PCDHA2: variants seen among roughly 807,000 people sequenced by gnomAD.
The protein encoded by PCDHA2 is protocadherin alpha 2.
PCDHA2 carries 58 observed loss-of-function variants against 66.0 expected under a neutral mutation model. The observed-to-expected ratio is 0.88, with a 90% CI of 0.71 to 1.09. The LOEUF (loss-of-function observed/expected upper bound fraction) is 1.09. Ranked by LOEUF, PCDHA2 falls within the 50% of genes least tolerant of loss-of-function variation. The pLI is 0.00. For missense variants in PCDHA2, 1,267 were observed against 1,242.3 expected, an observed-to-expected ratio of 1.02 and a Z score of -0.30; for synonymous variants, 634 against 554.0, an observed-to-expected ratio of 1.14 and a Z score of -2.03.
chr5:140,846,849 G>T (rs1318319896), intron 1 of PCDHA2, among the ~76,000 whole-genome samples: 1 of 149,562 alleles, frequency 6.7e-6, no homozygotes, highest in Non-Finnish European at 1.5e-5. Flanking sequence ...ACAATGCAAG[G>T]CAAGATAATG....
At chr5:140,859,579 G>A in intron 1 of PCDHA2, 1 of 171,440 alleles carries the variant, frequency 5.8e-6, no homozygotes, top group Non-Finnish European at 1.2e-5. Flanking sequence ...TTGTCATCTT[G>A]CCTATGGCTC....
At chr5:140,914,613 G>A (rs2076780862) in intron 1 of PCDHA2, among the ~76,000 whole-genome samples, 1 of 151,852 alleles carries the variant, frequency 6.6e-6, no homozygotes, top group Non-Finnish European at 1.5e-5. Flanking sequence ...CTGCCATTTT[G>A]TAATTTGTTT....
rs1347683940 is a variant in PCDHA2 at position 140,847,266 on chromosome 5, A to C, written c.2388+49914A>C. ...CAAAATAAATCACGACTTTTGAAAG[A>C]AGGTTGAACGGGAAGACAAACTCAG... is the stretch of plus-strand genomic sequence containing the variant. On this transcript the variant is annotated intron_variant, in intron 1 of 3. Coordinates refer to ENST00000526136, the MANE Select transcript of PCDHA2 (RefSeq NM_018905.3). Among the ~76,000 whole-genome samples the C allele has an allele frequency of 6.0e-5, 9 of 149,874 alleles. 2 individuals carry two copies. Among genetic ancestry groups the C allele is most frequent in the African/African-American group, 2.2e-4 (9 of 40,946 alleles).
At chr5:140,809,383 C>A (rs558389511) in intron 1 of PCDHA2, 4 of 1,614,038 alleles carry the variant, frequency 2.5e-6, no homozygotes, top group East Asian at 2.2e-5. Context: ...AGGGCGCGTG[C>A]GCTCCGGGCA....
At chr5:140,886,461 A>G (rs1434440381) in intron 1 of PCDHA2, among the ~76,000 whole-genome samples, 2 of 152,116 alleles carry the variant, frequency 1.3e-5, no homozygotes, top group African/African-American at 2.4e-5. Context: ...TCATATATAA[A>G]TGTTTTTAAA....
chr5:140,996,837 G>A (rs1382866699), intron 3 of PCDHA2, among the ~76,000 whole-genome samples: 7 of 151,992 alleles, frequency 4.6e-5, no homozygotes, highest in African/African-American at 7.3e-5. Flanking sequence ...ATAATTTAGC[G>A]TGCATCTTCA....
intron 1 of PCDHA2, among the ~76,000 whole-genome samples, chr5:140,833,207 A>G (rs1554133788): frequency 6.6e-6 from 1 of 152,228 alleles, no homozygotes; most frequent in African/African-American, 2.4e-5. Context: ...AGAATGAAAT[A>G]GGAATGGACA....
intron 1 of PCDHA2, among the ~76,000 whole-genome samples, chr5:140,934,332 T>C (rs1452316834): frequency 1.3e-5 from 2 of 152,140 alleles, no homozygotes; most frequent in Non-Finnish European, 2.9e-5. Flanking sequence ...ATGAATGTAA[T>C]AACCACCAGT....
rs782131323 is a variant in PCDHA2 at position 140,808,836 on chromosome 5, C to T, written c.2388+11484C>T. 6.2e-6 allele frequency: 10 copies of T among 1,613,098 alleles called. No individual in the cohort carries two copies. In the South Asian group the frequency reaches 9.9e-5, roughly 16 times the overall value. ...GTGCCACCTCTGGGCAGCAACGTGA[C>T]GCTGCAGGTGTTCGTGCTGGACGAA... On this transcript the variant is annotated intron_variant, in intron 1 of 3. Coordinates refer to ENST00000526136, the MANE Select transcript of PCDHA2 (RefSeq NM_018905.3).
intron 1 of PCDHA2, among the ~76,000 whole-genome samples, chr5:140,914,601 T>G (rs190275610): frequency 1.8e-4 from 27 of 152,294 alleles, no homozygotes; most frequent in Non-Finnish European, 3.7e-4. Context: ...AGGAACTTCC[T>G]CCTGCCATTT....
chr5:140,827,773 CG>C (rs1439056383), intron 1 of PCDHA2, among the ~76,000 whole-genome samples: 1 of 152,120 alleles, frequency 6.6e-6, no homozygotes, highest in Non-Finnish European at 1.5e-5. Context: ...TAAAAGAAGT[CG>C]GGATAACACT....
At chr5:140,935,004 T>C (rs574626430) in intron 1 of PCDHA2, among the ~76,000 whole-genome samples, 1 of 152,340 alleles carries the variant, frequency 6.6e-6, no homozygotes, top group African/African-American at 2.4e-5. Flanking sequence ...ATCCTTTTCA[T>C]GTGAGTCTTA....
intron 1 of PCDHA2, chr5:140,809,508 C>G (rs782554104): frequency 1.9e-6 from 3 of 1,614,204 alleles, no homozygotes; most frequent in East Asian, 2.2e-5. Flanking sequence ...GCCTTCAGCC[C>G]CAGTTTACCT....
chr5:141,004,806 T>C (rs1326385428), intron 3 of PCDHA2, among the ~76,000 whole-genome samples: 1 of 152,196 alleles, frequency 6.6e-6, no homozygotes, highest in Non-Finnish European at 1.5e-5. Flanking sequence ...CTGAGCTCAA[T>C]TGCAGATTTG....
At chr5:140,821,335 T>C (rs1766950723) in intron 1 of PCDHA2, among the ~76,000 whole-genome samples, 1 of 152,206 alleles carries the variant, frequency 6.6e-6, no homozygotes. Flanking sequence ...TAGTAAGGAT[T>C]GGGGTTTCAT....
chr5:140,805,435 T>G, intron 1 of PCDHA2: 1 of 1,052,632 alleles, frequency 9.5e-7, no homozygotes, highest in Non-Finnish European at 1.1e-6. Context: ...TTGTTTTGGT[T>G]TTTGTGTGTG....
Position 140,874,848 on chromosome 5 carries a change from T to G in PCDHA2, c.2388+77496T>G, listed in dbSNP as rs143666233. ...GAAATATTGTTTGGTATTAGACATATTTTAGTTTCTTATCCTTTGTTAAAT... is the reference window on the plus strand; with the variant it reads ...GAAATATTGTTTGGTATTAGACATAGTTTAGTTTCTTATCCTTTGTTAAAT... On this transcript the variant is annotated intron_variant, in intron 1 of 3. Transcript: ENST00000526136. Among the ~76,000 whole-genome samples the G allele has an allele frequency of 6.0e-4, 92 of 152,344 alleles. 1 individual carries two copies. The East Asian group carries it at 0.017, about 27-fold the overall frequency.
At chr5:140,870,392 G>T in intron 1 of PCDHA2, 1 of 1,614,254 alleles carries the variant, frequency 6.2e-7, no homozygotes, top group Non-Finnish European at 8.5e-7. Context: ...CGGGATGGGG[G>T]TTCGCCTTCT....
intron 1 of PCDHA2, among the ~76,000 whole-genome samples, chr5:140,910,513 A>G (rs1293675976): frequency 2.0e-5 from 3 of 152,184 alleles, no homozygotes; most frequent in Non-Finnish European, 4.4e-5. Flanking sequence ...CTCTTCAAGG[A>G]TGCAGGTACT....
Sources: allele counts gnomAD v4.1 joint callset (sites outside exome capture counted in the v4.1 genomes callset), GRCh38; gene constraint gnomAD v4.1.1; transcripts MANE v1.5; gene names NCBI Gene and HGNC (gene_info 2026-07-23, HGNC 2026-07-21).